LSAMP: variants seen among roughly 807,000 people sequenced by gnomAD.
The protein encoded by LSAMP is limbic system-associated membrane protein.
Under a neutral mutation model 38.6 loss-of-function variants are expected in LSAMP, and 7 were observed. The observed-to-expected ratio is 0.18, with a 90% confidence interval of 0.10 to 0.34. The LOEUF (loss-of-function observed/expected upper bound fraction) is 0.34. LSAMP is among the 10% of genes least tolerant of loss of function. The probability of loss-of-function intolerance (pLI) is 1.00; values close to 1 mark genes in which losing one functional copy is unlikely to be tolerated. For synonymous variants in LSAMP, 154 were observed against 166.8 expected (o/e 0.92, Z 0.59); for missense variants, 313 against 420.0 (o/e 0.75, Z 2.23).
chr3:115,932,934 G>A (rs1011917238), intron 3 of LSAMP, among the ~76,000 whole-genome samples: 1 of 152,196 alleles, frequency 6.6e-6, no homozygotes, highest in African/African-American at 2.4e-5. Context: ...TGGGTACGCA[G>A]TGGAAAGAGG....
chr3:115,844,007 G>A (rs1461973463), intron 4 of LSAMP, among the ~76,000 whole-genome samples: 2 of 152,114 alleles, frequency 1.3e-5, no homozygotes, highest in Admixed American at 1.3e-4. Flanking sequence ...AACGAACCCT[G>A]GATTGGAAAC....
chr3:115,824,934 G>A (rs1160443490), intron 6 of LSAMP, among the ~76,000 whole-genome samples: 1 of 152,000 alleles, frequency 6.6e-6, no homozygotes, highest in Non-Finnish European at 1.5e-5. Flanking sequence ...ATTCTTTCTG[G>A]TCTTACCCCT....
At chr3:116,437,873 A>G (rs1240768969) in intron 1 of LSAMP, among the ~76,000 whole-genome samples, 1 of 152,080 alleles carries the variant, frequency 6.6e-6, no homozygotes, top group South Asian at 2.1e-4. Context: ...AACGAACTAA[A>G]TTTTTCTCTT....
At chr3:116,250,004 T>C (rs1250654057) in intron 1 of LSAMP, among the ~76,000 whole-genome samples, 2 of 152,162 alleles carry the variant, frequency 1.3e-5, no homozygotes, top group Non-Finnish European at 2.9e-5. Context: ...TAACAAAGGT[T>C]CGTAGATCGA....
At chr3:116,082,532 C>T (rs561062048) in intron 2 of LSAMP, among the ~76,000 whole-genome samples, 1 of 152,138 alleles carries the variant, frequency 6.6e-6, no homozygotes, top group Non-Finnish European at 1.5e-5. Context: ...TCAGCCTATA[C>T]AAGAATCACA....
At chr3:116,338,772 C>T (rs1182422386) in intron 1 of LSAMP, among the ~76,000 whole-genome samples, 1 of 151,986 alleles carries the variant, frequency 6.6e-6, no homozygotes, top group Non-Finnish European at 1.5e-5. Flanking sequence ...AGGAAGCTGA[C>T]AAGGCTCTTT....
At position 116,099,509 on chromosome 3, in the gene LSAMP, G is replaced by T. The variant is rs73858536; in HGVS notation, c.156-12953C>A. Among the ~76,000 whole-genome samples, 285 of 152,196 alleles carry T rather than the reference G, an allele frequency of 1.9e-3. 1 individual carries two copies. The highest frequency in any genetic ancestry group is 6.6e-3 in the African/African-American group (272 of 41,512). ...AATTTTGTTGAAATCTTAATATTCT[G>T]CAGGAAACTGACCTGACTACCAGCA... On this transcript the variant is annotated intron_variant, in intron 1 of 6. Coordinates refer to ENST00000490035, the MANE Select transcript of LSAMP (RefSeq NM_002338.5).
intron 6 of LSAMP, among the ~76,000 whole-genome samples, chr3:115,834,100 C>A (rs765266784): frequency 2.6e-5 from 4 of 151,800 alleles, no homozygotes; most frequent in Non-Finnish European, 5.9e-5. Context: ...TGTTATAATC[C>A]GGTTGAGTTG....
At chr3:116,140,018 T>C (rs1709336033) in intron 1 of LSAMP, among the ~76,000 whole-genome samples, 1 of 151,984 alleles carries the variant, frequency 6.6e-6, no homozygotes, top group African/African-American at 2.4e-5. Flanking sequence ...AAGTTACAAA[T>C]GCATGTGATA....
intron 1 of LSAMP, among the ~76,000 whole-genome samples, chr3:116,330,852 CA>C (rs1467141510): frequency 1.3e-5 from 2 of 151,982 alleles, no homozygotes; most frequent in Admixed American, 6.6e-5. Flanking sequence ...TTTTCAACAA[CA>C]AAAAATCATA....
At chr3:115,949,506 A>G (rs1361511723) in intron 3 of LSAMP, among the ~76,000 whole-genome samples, 1 of 146,656 alleles carries the variant, frequency 6.8e-6, no homozygotes, top group African/African-American at 2.4e-5. Flanking sequence ...CTGGAAATAT[A>G]CAGCCCTCCT....
intron 1 of LSAMP, among the ~76,000 whole-genome samples, chr3:116,277,829 C>T (rs2047076117): frequency 6.6e-6 from 1 of 152,136 alleles, no homozygotes; most frequent in African/African-American, 2.4e-5. Flanking sequence ...ATGAGAGACT[C>T]AGCCTGCTCT....
At chr3:116,350,000 G>T (rs931858036) in intron 1 of LSAMP, among the ~76,000 whole-genome samples, 42 of 152,116 alleles carry the variant, frequency 2.8e-4, no homozygotes, top group African/African-American at 9.6e-4. Context: ...ATTACTTCAG[G>T]GAGGCTACAT....
chr3:116,350,367 G>A (rs889308759), intron 1 of LSAMP, among the ~76,000 whole-genome samples: 2 of 151,902 alleles, frequency 1.3e-5, no homozygotes, highest in Admixed American at 6.6e-5. Context: ...TTTATCTGTG[G>A]TTTCACTTTC....
rs182501920 is a variant in LSAMP at position 115,840,534 on chromosome 3, G to A, written c.919+1311C>T. ...ATGTTGTGAATTTTAAACTTCATAT[G>A]GAGGCAGCATTTGTATAACTGTATC... On this transcript the variant is annotated intron_variant, in intron 6 of 6. Transcript: ENST00000490035. Among the ~76,000 whole-genome samples, 5 of 152,314 alleles carry A rather than the reference G, an allele frequency of 3.3e-5. No homozygotes were observed. In the East Asian group the frequency reaches 9.6e-4, roughly 29 times the overall value.
intron 1 of LSAMP, among the ~76,000 whole-genome samples, chr3:116,298,334 T>C (rs982604223): frequency 3.9e-5 from 6 of 152,170 alleles, no homozygotes; most frequent in Non-Finnish European, 7.3e-5. Flanking sequence ...TGCCCAGTTT[T>C]AGCAAGTAAA....
chr3:116,116,376 A>T (rs1361457710), intron 1 of LSAMP, among the ~76,000 whole-genome samples: 2 of 151,260 alleles, frequency 1.3e-5, no homozygotes, highest in Admixed American at 1.3e-4. Context: ...GGTCTCTGGA[A>T]CTCTTCATAT....
intron 1 of LSAMP, among the ~76,000 whole-genome samples, chr3:116,393,042 T>C (rs1298337882): frequency 6.6e-6 from 1 of 152,150 alleles, no homozygotes; most frequent in Non-Finnish European, 1.5e-5. Flanking sequence ...ATAAATCTTC[T>C]CTTCATCTTG....
intron 2 of LSAMP, among the ~76,000 whole-genome samples, chr3:116,084,458 A>G (rs920080736): frequency 4.2e-5 from 6 of 142,288 alleles, no homozygotes; most frequent in African/African-American, 1.7e-4. Context: ...ATCATGGCAA[A>G]AAAAAAAAAA....
Sources: gnomAD v4.1 joint callset for allele counts (sites outside exome capture counted in the v4.1 genomes callset) on GRCh38, gnomAD v4.1.1 for gene constraint, MANE v1.5 for transcripts, NCBI Gene and HGNC (gene_info 2026-07-23, HGNC 2026-07-21) for gene names.